CUX2: variants seen among roughly 807,000 people sequenced by gnomAD.
CUX2 encodes the protein cut like homeobox 2.
A neutral mutation model predicts 144.8 loss-of-function variants in CUX2; 40 were observed. The observed-to-expected ratio is 0.28, with a 90% CI of 0.21 to 0.36. The LOEUF (loss-of-function observed/expected upper bound fraction) is 0.36. Among genes scored for constraint, CUX2 ranks in the 10% least tolerant of loss-of-function variants. The pLI, the probability that CUX2 is intolerant of heterozygous loss-of-function variation, is 1.00. For missense variants in CUX2, 1,615 were observed against 1,994.0 expected (o/e 0.81, Z 3.62); for synonymous variants, 827 against 875.6 (o/e 0.94, Z 0.98).
chr12:111,079,064 G>A (rs1871709093), intron 1 of CUX2, among the ~76,000 whole-genome samples: 1 of 152,236 alleles, frequency 6.6e-6, no homozygotes, highest in South Asian at 2.1e-4. Context: ...GGGACCTGGT[G>A]GCCCAGAGCT....
intron 4 of CUX2, among the ~76,000 whole-genome samples, chr12:111,267,195 CAAAAAAAAAAA>C (rs11290695): frequency 0.013 from 878 of 66,422 alleles, 9 homozygotes; most frequent in African/African-American, 0.042. Flanking sequence ...AAGACCCTGT[CAAAAAAAAAAA>C]AAAAAAAAAA....
chr12:111,173,134 G>C (rs930566272), intron 1 of CUX2, among the ~76,000 whole-genome samples: 3 of 152,228 alleles, frequency 2.0e-5, no homozygotes, highest in Non-Finnish European at 2.9e-5. Flanking sequence ...GAGGTTTGTT[G>C]TTCTTCTTGA....
chr12:111,144,793 C>G (rs775160433), intron 1 of CUX2, among the ~76,000 whole-genome samples: 2 of 151,464 alleles, frequency 1.3e-5, no homozygotes, highest in African/African-American at 2.4e-5. Flanking sequence ...AATTGGGGGC[C>G]GGGGAGGGGG....
At chr12:111,248,062 AT>A (rs528190584) in intron 3 of CUX2, among the ~76,000 whole-genome samples, 1,701 of 151,902 alleles carry the variant, frequency 0.011, 15 homozygotes, top group Middle Eastern at 0.054. Flanking sequence ...CGCCTGGCTA[AT>A]TTTTTTTCCA....
At chr12:111,091,884 C>G (rs1287829877) in intron 1 of CUX2, among the ~76,000 whole-genome samples, 2 of 152,198 alleles carry the variant, frequency 1.3e-5, no homozygotes, top group Non-Finnish European at 2.9e-5. Context: ...CCTGTCTCTT[C>G]TTATAAGGAC....
chr12:111,074,470 G>A (rs1180577584), intron 1 of CUX2, among the ~76,000 whole-genome samples: 1 of 152,052 alleles, frequency 6.6e-6, no homozygotes, highest in Non-Finnish European at 1.5e-5. Flanking sequence ...TGCCTGATCA[G>A]CTGGGTCAGC....
Position 111,295,561 on chromosome 12 carries a change from G to A in CUX2, c.637+152G>A. The stretch of plus-strand genomic sequence containing the variant: ...TTGGGAAGAATAATCTTACCCAGTG[G>A]GGGGCTGAGCCTCTATGCCCCAGAG... On this transcript the variant is annotated intron_variant, in intron 7 of 21. Coordinates refer to ENST00000261726, the MANE Select transcript of CUX2 (RefSeq NM_015267.4). This position sits in a 1 kb window ranked among gnomAD's most constrained non-coding sequence, Gnocchi z 5.0. 1.5e-6 allele frequency: 1 copy of A among 651,132 alleles called. No individual in the cohort carries two copies. Among genetic ancestry groups the A allele is most frequent in the Non-Finnish European group, 2.6e-6 (1 of 389,842 alleles). The allele number at this position is 651,132 out of a possible 1,614,324, so 40.3% of individuals were successfully genotyped here. A position where few individuals can be genotyped will look rare whatever the true frequency, so the allele number is the denominator to read the frequency against.
chr12:111,274,352 A>T (rs1190725986), intron 4 of CUX2, among the ~76,000 whole-genome samples: 1 of 152,196 alleles, frequency 6.6e-6, no homozygotes, highest in East Asian at 1.9e-4. Context: ...TCCTTTGGAA[A>T]GCAGACTTAC....
At chr12:111,071,943 C>A (rs1871270299) in intron 1 of CUX2, among the ~76,000 whole-genome samples, 1 of 152,188 alleles carries the variant, frequency 6.6e-6, no homozygotes, top group South Asian at 2.1e-4. Context: ...GGGTCTATTT[C>A]TGGGCTCTCT....
At chr12:111,248,028 C>G (rs900248378) in intron 3 of CUX2, among the ~76,000 whole-genome samples, 19 of 152,202 alleles carry the variant, frequency 1.2e-4, no homozygotes, top group Non-Finnish European at 2.8e-4. Context: ...GCCTCAGCAA[C>G]CGAAGTACAG....
At chr12:111,253,875 G>T (rs1883687874) in intron 3 of CUX2, among the ~76,000 whole-genome samples, 1 of 149,864 alleles carries the variant, frequency 6.7e-6, no homozygotes, top group South Asian at 2.1e-4. Context: ...AGTAGTTGTG[G>T]TTTTTGCCAT....
chr12:111,137,062 C>T (rs114075257), intron 1 of CUX2, among the ~76,000 whole-genome samples: 3 of 151,764 alleles, frequency 2.0e-5, no homozygotes, highest in African/African-American at 4.8e-5. Context: ...CTCAGCCTCC[C>T]GAGTAGGTGG....
At chr12:111,227,984 T>A (rs1882248904) in intron 3 of CUX2, among the ~76,000 whole-genome samples, 1 of 152,024 alleles carries the variant, frequency 6.6e-6, no homozygotes, top group Non-Finnish European at 1.5e-5. Context: ...CCAGCGGCAA[T>A]CACGTTACGG....
chr12:111,212,584 G>A (rs1280751374), intron 1 of CUX2, among the ~76,000 whole-genome samples: 3 of 152,150 alleles, frequency 2.0e-5, no homozygotes, highest in African/African-American at 4.8e-5. Context: ...GCCCAGGCTG[G>A]TCTCAAACTC....
intron 1 of CUX2, among the ~76,000 whole-genome samples, chr12:111,112,964 G>A (rs989712137): frequency 3.9e-5 from 6 of 152,216 alleles, no homozygotes; most frequent in East Asian, 1.9e-4. Context: ...AGAAAGTGAC[G>A]CGTATCTGAG....
chr12:111,183,846 A>G (rs1322722388), intron 1 of CUX2, among the ~76,000 whole-genome samples: 1 of 152,160 alleles, frequency 6.6e-6, no homozygotes, highest in African/African-American at 2.4e-5. Flanking sequence ...TAACAAGCTT[A>G]TTTAGCTCAA....
At chr12:111,120,877 A>G (rs1489800663) in intron 1 of CUX2, among the ~76,000 whole-genome samples, 1 of 152,022 alleles carries the variant, frequency 6.6e-6, no homozygotes. Flanking sequence ...TGATTTTAGA[A>G]TACTTACTTG....
intron 1 of CUX2, among the ~76,000 whole-genome samples, chr12:111,112,382 CA>C (rs1452487533): frequency 6.6e-6 from 1 of 152,228 alleles, no homozygotes; most frequent in African/African-American, 2.4e-5. Context: ...CACCTTCTTA[CA>C]GTGCAGAAAT....
intron 16 of CUX2, 51 bp from the exon 17 acceptor site, chr12:111,319,961 A>G: frequency 2.8e-6 from 4 of 1,419,492 alleles, no homozygotes; most frequent in Non-Finnish European, 3.7e-6. Context: ...CGTCCCCTGC[A>G]TGCCGAGCCC....
Sources: allele counts gnomAD v4.1 joint callset (sites outside exome capture counted in the v4.1 genomes callset), GRCh38; gene constraint gnomAD v4.1.1; non-coding constraint Gnocchi (gnomAD v3.1); transcripts MANE v1.5; gene names NCBI Gene and HGNC (gene_info 2026-07-23, HGNC 2026-07-21).